Variants in RBFOX3 observed in about 807,000 individuals in gnomAD.
RBFOX3 encodes RNA binding fox-1 homolog 3.
A neutral mutation model predicts 48.7 loss-of-function variants in RBFOX3; 17 were observed. The ratio of observed to expected loss-of-function variants is 0.35; its 90% CI spans 0.24 to 0.52. The LOEUF is 0.52. RBFOX3 is among the 20% of genes least tolerant of loss of function. The pLI is 0.94. For synonymous variants in RBFOX3, 212 were observed against 209.5 expected (o/e 1.01, Z -0.10); for missense variants, 382 against 497.5 (o/e 0.77, Z 2.21).
chr17:79,652,916 G>T, the RBFOX3 span, among the ~76,000 whole-genome samples: 1 of 151,898 alleles, frequency 6.6e-6, no homozygotes, highest in Admixed American at 6.6e-5. Context: ...TGACATTTCA[G>T]AACACCAAGG....
chr17:79,563,221 GA>G (rs1246336700), intron 1 of RBFOX3, among the ~76,000 whole-genome samples: 129,707 of 147,518 alleles, frequency 0.88, 58,067 homozygotes, highest in Non-Finnish European at 0.98. Flanking sequence ...ACGGGTCTTT[GA>G]AAAAAAAAAA....
intron 3 of RBFOX3, among the ~76,000 whole-genome samples, chr17:79,294,730 C>T (rs868843700): frequency 6.6e-6 from 1 of 152,298 alleles, no homozygotes. Context: ...CTGGGGGCCA[C>T]GTGGAGGAGG....
chr17:79,463,680 TTGCCAC>T (rs138751348), intron 2 of RBFOX3, among the ~76,000 whole-genome samples: 613 of 21,746 alleles, frequency 0.028, 5 homozygotes, highest in African/African-American at 0.047. Flanking sequence ...TCCACTGCCA[TTGCCAC>T]TGCCACTGCC....
intron 2 of RBFOX3, among the ~76,000 whole-genome samples, chr17:79,324,840 G>A (rs2146140901): frequency 6.6e-6 from 1 of 152,360 alleles, no homozygotes; most frequent in African/African-American, 2.4e-5. Context: ...CAGCCTCTGG[G>A]CAGGCAGAGA....
chr17:79,454,375 C>T (rs2074105308), intron 2 of RBFOX3, among the ~76,000 whole-genome samples: 1 of 152,130 alleles, frequency 6.6e-6, no homozygotes, highest in African/African-American at 2.4e-5. Flanking sequence ...GTATCCCTGC[C>T]CAGCCCCTCC....
intron 2 of RBFOX3, among the ~76,000 whole-genome samples, chr17:79,369,611 G>C (rs148036286): frequency 2.6e-5 from 4 of 152,040 alleles, no homozygotes; most frequent in Non-Finnish European, 5.9e-5. Context: ...GTTGAAAGCC[G>C]CTCCCCTGCC....
chr17:79,150,007 GAT>G (rs2043999121), intron 4 of RBFOX3, among the ~76,000 whole-genome samples: 1 of 90,042 alleles, frequency 1.1e-5, no homozygotes, highest in Non-Finnish European at 2.2e-5. Flanking sequence ...GGGGGTGGGG[GAT>G]GGGGATGGGG....
intron 11 of RBFOX3, 77 bp downstream of exon 11, chr17:79,097,215 T>G: frequency 9.6e-7 from 1 of 1,037,806 alleles, no homozygotes; most frequent in Non-Finnish European, 1.3e-6. Flanking sequence ...CCCCTCGCAC[T>G]GCGCAGGGCC....
intron 6 of RBFOX3, among the ~76,000 whole-genome samples, chr17:79,106,217 G>C (rs1312254709): frequency 6.6e-6 from 1 of 152,122 alleles, no homozygotes; most frequent in Non-Finnish European, 1.5e-5. Flanking sequence ...CTGCTCTATG[G>C]GAGGTTGAGC....
At chr17:79,233,712 T>G (rs1383103862) in intron 4 of RBFOX3, 1 of 152,016 alleles carries the variant, frequency 6.6e-6, no homozygotes, top group African/African-American at 2.4e-5. Context: ...GTTCAAGTGA[T>G]TCTCGTGCCT....
intron 1 of RBFOX3, among the ~76,000 whole-genome samples, chr17:79,500,771 C>T (rs1211990778): frequency 1.3e-5 from 2 of 152,212 alleles, no homozygotes; most frequent in African/African-American, 4.8e-5. Context: ...CTGCCTGCAG[C>T]CCCTGCCTGT....
chr17:79,505,421 A>T (rs2082963284), intron 1 of RBFOX3, among the ~76,000 whole-genome samples: 1 of 152,016 alleles, frequency 6.6e-6, no homozygotes, highest in African/African-American at 2.4e-5. Context: ...TGTGTCCTAC[A>T]CTTGCCTTCA....
intron 2 of RBFOX3, among the ~76,000 whole-genome samples, chr17:79,309,600 C>G (rs935117819): frequency 6.6e-6 from 1 of 152,220 alleles, no homozygotes; most frequent in African/African-American, 2.4e-5. Context: ...CCTGCCGCAT[C>G]TACTCATGGC....
chr17:79,521,104 C>G (rs1202655441), intron 1 of RBFOX3, among the ~76,000 whole-genome samples: 2 of 152,192 alleles, frequency 1.3e-5, no homozygotes, highest in African/African-American at 4.8e-5. Context: ...AGAGACACAG[C>G]TTGTCCCCCT....
intron 1 of RBFOX3, among the ~76,000 whole-genome samples, chr17:79,592,401 G>A (rs1001154789): frequency 6.6e-6 from 1 of 151,598 alleles, no homozygotes; most frequent in African/African-American, 2.4e-5. Flanking sequence ...TGTGGAATGT[G>A]TAGTATGGGC....
In RBFOX3 at chr17:79,425,722, C is replaced by T. The variant is rs528077996; in HGVS notation, c.-175+56732G>A. ...GGGCCACGAATTCCGACTTAGAAGG[C>T]GGCAAGAGCAGAGGGAGCAGTGAAG... is the stretch of plus-strand genomic sequence containing the variant. On this transcript the variant is annotated intron_variant, in intron 2 of 14. Coordinates refer to ENST00000693108, the MANE Select transcript of RBFOX3 (RefSeq NM_001350451.2). Among the ~76,000 whole-genome samples, 147 of 152,070 alleles carry T rather than the reference C, an allele frequency of 9.7e-4. 1 individual carries two copies. The highest frequency in any genetic ancestry group is 3.4e-3 in the African/African-American group (139 of 41,478).
At chr17:79,270,506 C>G (rs2067472490) in intron 3 of RBFOX3, among the ~76,000 whole-genome samples, 1 of 152,230 alleles carries the variant, frequency 6.6e-6, no homozygotes, top group Admixed American at 6.5e-5. Flanking sequence ...CAGGTCTGTC[C>G]TTTCCTATTA....
chr17:79,265,978 C>T (rs2066631234), intron 3 of RBFOX3, among the ~76,000 whole-genome samples: 1 of 152,240 alleles, frequency 6.6e-6, no homozygotes, highest in African/African-American at 2.4e-5. Context: ...TATACAAACA[C>T]TGTGTAAATC....
intron 3 of RBFOX3, among the ~76,000 whole-genome samples, chr17:79,287,432 G>T (rs6501295): frequency 1.1e-4 from 16 of 151,982 alleles, no homozygotes; most frequent in African/African-American, 3.1e-4. Context: ...GGGGTAGAGT[G>T]GGGTGTTGAT....
Sources: allele counts gnomAD v4.1 joint callset (sites outside exome capture counted in the v4.1 genomes callset), GRCh38; gene constraint gnomAD v4.1.1; transcripts MANE v1.5; gene names NCBI Gene and HGNC (gene_info 2026-07-23, HGNC 2026-07-21).